Variants in KIAA1755 observed in about 807,000 individuals in gnomAD.
The protein encoded by KIAA1755 is KIAA1755.
A neutral mutation model predicts 91.7 loss-of-function variants in KIAA1755; 68 were observed. The ratio of observed to expected loss-of-function variants is 0.74; its 90% CI spans 0.61 to 0.91. The LOEUF (loss-of-function observed/expected upper bound fraction) is 0.91. Among genes scored for constraint, KIAA1755 ranks in the 40% least tolerant of loss-of-function variants. The pLI is 0.00. For synonymous variants in KIAA1755, 610 were observed against 604.6 expected (o/e 1.01, Z -0.13); for missense variants, 1,535 against 1,494.4 (o/e 1.03, Z -0.45).
intron 13 of KIAA1755, among the ~76,000 whole-genome samples, chr20:38,214,764 C>G (rs527481703): frequency 7.2e-5 from 11 of 152,234 alleles, no homozygotes; most frequent in African/African-American, 2.4e-4. Context: ...CCGCTTCCCC[C>G]ACAAAACGTC....
intron 1 of KIAA1755, among the ~76,000 whole-genome samples, chr20:38,254,015 C>T (rs7262816): frequency 0.097 from 14,696 of 152,190 alleles, 1,070 homozygotes; most frequent in African/African-American, 0.2. Context: ...TCCCAGGTAG[C>T]TGGGATTACG....
In KIAA1755 at chr20:38,213,349, C is replaced by A; in HGVS notation, c.3296G>T (p.Gly1099Val). 6.2e-7 allele frequency: 1 copy of A among 1,610,586 alleles called. No homozygotes were observed. Among genetic ancestry groups the A allele is most frequent in the Non-Finnish European group, 8.5e-7 (1 of 1,178,272 alleles). Residue 1099 changes from glycine to valine, a missense_variant, in exon 14 of 14, where the codon GGC becomes GTC. Physicochemically the swap from Gly to Val is moderately radical, Grantham distance 109. Transcript: ENST00000279024. ...RWDQPPLDSL[G>V]MDHLPKSYWP... ...ATAGGACTTTGGCAAATGGTCCATG[C>A]CCAGTGAGTCTAGTGGAGGCTGATC...
chr20:38,217,006 C>T (rs1362288813), intron 13 of KIAA1755: 2 of 665,192 alleles, frequency 3.0e-6, no homozygotes, highest in Non-Finnish European at 5.5e-6. Flanking sequence ...TGTTACAAGA[C>T]TTGGGGAGTG....
intron 4 of KIAA1755, among the ~76,000 whole-genome samples, chr20:38,234,471 C>T (rs1419715814): frequency 1.3e-5 from 2 of 152,102 alleles, no homozygotes; most frequent in African/African-American, 4.8e-5. Flanking sequence ...TCCCTGTGCT[C>T]AGCACAAGGC....
Position 38,212,007 on chromosome 20 carries a change from A to G in KIAA1755, c.*1035T>C, listed in dbSNP as rs1181724909. On this transcript the variant is annotated 3_prime_UTR_variant, in exon 14 of 14. Transcript: ENST00000279024. ...GAGATCTCCAGAAAGATCCAGCTAC[A>G]GTTGCCAACATGGAAATTTGTATGA... is the stretch of plus-strand genomic sequence containing the variant. 6.6e-6 allele frequency: 1 copy of G among 152,212 alleles called. No individual in the cohort carries two copies. Among genetic ancestry groups the G allele is most frequent in the Non-Finnish European group, 1.5e-5 (1 of 68,052 alleles). 9.4% of individuals were successfully genotyped at this position (152,212 alleles called of 1,614,324 possible).
intron 10 of KIAA1755, among the ~76,000 whole-genome samples, chr20:38,221,955 G>C (rs1302672989): frequency 6.6e-6 from 1 of 152,206 alleles, no homozygotes; most frequent in African/African-American, 2.4e-5. Flanking sequence ...TACCGGGAAA[G>C]GCAGGGCCGG....
intron 11 of KIAA1755, among the ~76,000 whole-genome samples, 156 bp downstream of exon 11, chr20:38,219,474 G>A (rs1034081107): frequency 2.6e-5 from 4 of 152,176 alleles, no homozygotes; most frequent in Admixed American, 6.5e-5. Context: ...CATGTGCTAC[G>A]CCCCAAGGAT....
At chr20:38,243,163 T>A (rs909436400) in intron 2 of KIAA1755, among the ~76,000 whole-genome samples, 7 of 152,228 alleles carry the variant, frequency 4.6e-5, no homozygotes, top group African/African-American at 1.7e-4. Flanking sequence ...CCAGACAATC[T>A]TATATAATTT....
At chr20:38,236,471 C>T (rs1301852642) in intron 4 of KIAA1755, among the ~76,000 whole-genome samples, 2 of 152,152 alleles carry the variant, frequency 1.3e-5, no homozygotes, top group Non-Finnish European at 2.9e-5. Context: ...GGACCAAGGA[C>T]TGGGCTTTGG....
chr20:38,218,624 T>C (rs1291624502), intron 11 of KIAA1755, among the ~76,000 whole-genome samples: 2 of 152,234 alleles, frequency 1.3e-5, no homozygotes, highest in Non-Finnish European at 2.9e-5. Context: ...AGTGCACAGT[T>C]ATCTGAATGA....
At chr20:38,224,378 G>C (rs1266064852) in intron 8 of KIAA1755, among the ~76,000 whole-genome samples, 1 of 152,206 alleles carries the variant, frequency 6.6e-6, no homozygotes, top group Non-Finnish European at 1.5e-5. Context: ...AAGCGGAAAA[G>C]GAGATTGTTC....
intron 1 of KIAA1755, among the ~76,000 whole-genome samples, chr20:38,254,361 A>G (rs2076302831): frequency 6.6e-6 from 1 of 151,260 alleles, no homozygotes; most frequent in African/African-American, 2.4e-5. Flanking sequence ...GAAAAAAAAA[A>G]TGCCTAGGGA....
intron 1 of KIAA1755, among the ~76,000 whole-genome samples, chr20:38,257,900 C>T (rs1304100044): frequency 1.3e-4 from 19 of 142,180 alleles, no homozygotes; most frequent in Non-Finnish European, 2.3e-4. Flanking sequence ...TTTATAGTTA[C>T]TTTTTTTTTT....
intron 9 of KIAA1755, chr20:38,222,887 A>G (rs2075687443): frequency 2.0e-6 from 1 of 503,414 alleles, no homozygotes; most frequent in Non-Finnish European, 3.6e-6. Flanking sequence ...TCCACATGGC[A>G]GTTGAACGGA....
At position 38,241,517 on chromosome 20, in the gene KIAA1755, G is replaced by A. The variant is rs267605926; in HGVS notation, c.614C>T (p.Pro205Leu). 6.2e-7 allele frequency: 1 copy of A among 1,614,118 alleles called. No individual in the cohort carries two copies. The highest frequency in any genetic ancestry group is 1.3e-5 in the African/African-American group (1 of 74,944). The change falls in exon 3 of 14, where the codon CCA (proline) becomes CTA (leucine). Residue 205 changes from proline to leucine, a missense_variant. By Grantham distance (98) the Pro-to-Leu change is moderately conservative (BLOSUM62 -3). Transcript: ENST00000279024. ...GCTGCTCAAATCCAGTGCCTCTAAT[G>A]GAAGGGGCCCCCAGGCTTGGCAGAG... Reference protein sequence around the residue: ...NALCQAWGPLPLEALDLSSPQ... With the variant: ...NALCQAWGPLLLEALDLSSPQ...
chr20:38,220,297 C>CTTTTTT (rs35575614), intron 10 of KIAA1755, among the ~76,000 whole-genome samples: 4 of 134,400 alleles, frequency 3.0e-5, no homozygotes, highest in Admixed American at 7.5e-5. Flanking sequence ...TGATGTTTCC[C>CTTTTTT]TTTTTTTTTT....
intron 13 of KIAA1755, among the ~76,000 whole-genome samples, chr20:38,214,038 G>A (rs1431400755): frequency 1.4e-5 from 2 of 146,928 alleles, no homozygotes; most frequent in Admixed American, 1.4e-4. Flanking sequence ...TGCAAGCTCT[G>A]CTTCCCAGGT....
At chr20:38,219,801 T>C (rs2123079603) in intron 10 of KIAA1755, 33 bp from the exon 11 acceptor site, 1 of 1,612,730 alleles carries the variant, frequency 6.2e-7, no homozygotes, top group East Asian at 2.2e-5. Context: ...AAAAGGCCTC[T>C]GTTGCCCTCT....
At chr20:38,239,060 G>A (rs1054296640) in intron 4 of KIAA1755, among the ~76,000 whole-genome samples, 1 of 152,146 alleles carries the variant, frequency 6.6e-6, no homozygotes, top group African/African-American at 2.4e-5. Flanking sequence ...GACAGACAAG[G>A]CTTATAAAAG....
Sources: allele counts gnomAD v4.1 joint callset (sites outside exome capture counted in the v4.1 genomes callset), GRCh38; gene constraint gnomAD v4.1.1; transcripts MANE v1.5; gene names NCBI Gene and HGNC (gene_info 2026-07-23, HGNC 2026-07-21).